The following PZP variants were observed in gnomAD, a reference collection of about 807,000 sequenced individuals.
PZP encodes PZP alpha-2-macroglobulin like.
A neutral mutation model predicts 179.8 loss-of-function variants in PZP; 150 were observed. That is an observed-to-expected ratio of 0.83 (90% CI 0.73 to 0.96). The LOEUF (loss-of-function observed/expected upper bound fraction) is 0.96. PZP is among the 40% of genes least tolerant of loss of function. PZP has a pLI of 0.00. For synonymous variants in PZP, 624 were observed against 652.3 expected (o/e 0.96, Z 0.66); for missense variants, 1,689 against 1,764.0 (o/e 0.96, Z 0.76).
At chr12:9,197,837 TATATA>T (rs1208816343) in intron 7 of PZP, among the ~76,000 whole-genome samples, 1 of 71,036 alleles carries the variant, frequency 1.4e-5, no homozygotes, top group Non-Finnish European at 2.7e-5. Context: ...TATTATACAA[TATATA>T]ATATATAATA....
At position 9,190,422 on chromosome 12, in the gene PZP, C is replaced by T. The variant is rs113148235; in HGVS notation, c.1546+1771G>A. ...CAGAAAACCAAATATTCCATGTGCT[C>T]AGTTATAAGTGGGAGCTAAATGATG... On this transcript the variant is annotated intron_variant, in intron 13 of 35. Transcript: ENST00000261336. Among the ~76,000 whole-genome samples, 1,044 of 152,096 alleles carry T rather than the reference C, an allele frequency of 6.9e-3. 14 individuals are homozygous for T. The highest frequency in any genetic ancestry group is 0.024 in the African/African-American group (997 of 41,466).
chr12:9,152,267 C>T lies in PZP; in HGVS notation c.4165G>A (p.Val1389Ile). The stretch of plus-strand genomic sequence containing the variant: ...GGAATAAAACCAGATACCATCTTTA[C>T]ATCAACAATCACCATATTGGAAGCA... Reference protein sequence around the residue: ...RPASNMVIVDVKMVSGFIPLK... With the variant: ...RPASNMVIVDIKMVSGFIPLK... Residue 1389 changes from valine (V) to isoleucine (I), a missense_variant, in exon 32 of 36, where the codon GTA (valine) becomes ATA (isoleucine). By Grantham distance (29) the Val-to-Ile change is conservative. Transcript: ENST00000261336. 6.2e-7 allele frequency: 1 copy of T among 1,613,204 alleles called. No homozygotes were observed. Among genetic ancestry groups the T allele is most frequent in the Non-Finnish European group, 8.5e-7 (1 of 1,179,238 alleles).
intron 28 of PZP, chr12:9,156,010 T>A (rs1940728091): frequency 5.8e-6 from 1 of 172,480 alleles, no homozygotes; most frequent in Admixed American, 6.4e-5. Flanking sequence ...TTTTATTGCT[T>A]CTTGACCTTT....
chr12:9,183,720 A>T (rs750633615), intron 13 of PZP, among the ~76,000 whole-genome samples: 15 of 152,338 alleles, frequency 9.8e-5, no homozygotes, highest in African/African-American at 3.6e-4. Context: ...ATTATATTAA[A>T]GCCTGAGATT....
At chr12:9,179,310 A>G (rs1269878229) in intron 15 of PZP, among the ~76,000 whole-genome samples, 4 of 152,172 alleles carry the variant, frequency 2.6e-5, no homozygotes, top group Non-Finnish European at 5.9e-5. Context: ...ATCCTTTTTT[A>G]TTGCCTCTCT....
At chr12:9,166,629 T>C (rs192491071) in intron 17 of PZP, among the ~76,000 whole-genome samples, 157 of 152,364 alleles carry the variant, frequency 1.0e-3, no homozygotes, top group African/African-American at 3.1e-3. Context: ...AATTTAATGA[T>C]TTACATTAAA....
rs370350773 is a variant in PZP at position 9,203,806 on chromosome 12, C to G, written c.229G>C (p.Val77Leu). The G allele has an allele frequency of 3.1e-6, 5 of 1,614,132 alleles. No individual in the cohort carries two copies. The highest frequency in any genetic ancestry group is 2.2e-5 in the East Asian group (1 of 44,858). The change falls in exon 2 of 36, where the codon GTG becomes CTG. Residue 77 changes from valine to leucine, a missense_variant. Val to Leu is a conservative substitution (Grantham distance 32). This residue lies in a region of PZP where 742 missense variants were observed against 730.5 expected (regional missense o/e 1.02). Coordinates refer to ENST00000261336, the MANE Select transcript of PZP (RefSeq NM_002864.3). ...CAGTGGAATAAGTCCTTCTCCGCCA[C>G]CAGGTCAGTGAAGAGGCTCCTGTTT... is the stretch of plus-strand genomic sequence containing the variant. The part of the protein sequence containing the change: ...RENRSLFTDL[V>L]AEKDLFHCVS...
At chr12:9,180,052 A>G (rs988279368) in intron 15 of PZP, among the ~76,000 whole-genome samples, 20 of 152,376 alleles carry the variant, frequency 1.3e-4, no homozygotes, top group African/African-American at 4.8e-4. Context: ...TATATGAGAC[A>G]GCTTGAGAAA....
chr12:9,138,732 A>G, the PZP span, among the ~76,000 whole-genome samples: 1 of 151,988 alleles, frequency 6.6e-6, no homozygotes, highest in African/African-American at 2.4e-5. Flanking sequence ...TGTTTTGTGT[A>G]TTTGGGAATT....
intron 7 of PZP, among the ~76,000 whole-genome samples, chr12:9,198,283 T>G (rs1300536009): frequency 6.6e-6 from 1 of 152,006 alleles, no homozygotes; most frequent in Non-Finnish European, 1.5e-5. Flanking sequence ...GCCCAGGAGT[T>G]TGAGGCTACA....
At chr12:9,186,129 C>T (rs942989772) in intron 13 of PZP, among the ~76,000 whole-genome samples, 5 of 151,978 alleles carry the variant, frequency 3.3e-5, no homozygotes, top group Non-Finnish European at 7.4e-5. Flanking sequence ...AAAATAAATT[C>T]CAACCAAGAA....
chr12:9,169,791 T>C, intron 15 of PZP, 200 bp from the exon 16 acceptor site: 1 of 450,726 alleles, frequency 2.2e-6, no homozygotes, highest in Non-Finnish European at 3.7e-6. Flanking sequence ...CTTGGGAAAA[T>C]GCTTCCAAAG....
intron 10 of PZP, 44 bp downstream of exon 10, chr12:9,196,286 G>A (rs767886578): frequency 2.0e-5 from 28 of 1,376,368 alleles, no homozygotes; most frequent in Non-Finnish European, 2.9e-5. Context: ...GTGCTTAGGT[G>A]CAACTGGATA....
chr12:9,151,688 A>G lies in PZP; in HGVS notation c.4213-16T>C, dbSNP rs781650443. ...ATCTTTCAAGCTGGAGAGAATTAGA[A>G]AACTTCAGTTAAAGTTAGAGAACAG... On this transcript the variant is annotated splice_polypyrimidine_tract_variant and intron_variant, in intron 32 of 35. Coordinates refer to ENST00000261336, the MANE Select transcript of PZP (RefSeq NM_002864.3). The G allele has an allele frequency of 1.9e-6, 3 of 1,608,962 alleles. No individual in the cohort carries two copies. Among genetic ancestry groups the G allele is most frequent in the Admixed American group, 1.7e-5 (1 of 59,874 alleles).
chr12:9,202,693 CA>C lies in PZP; in HGVS notation c.268-10del. The C allele has an allele frequency of 6.2e-7, 1 of 1,612,024 alleles. No homozygotes were observed. Among genetic ancestry groups the C allele is most frequent in the Non-Finnish European group, 8.5e-7 (1 of 1,179,198 alleles). On this transcript the variant is annotated splice_polypyrimidine_tract_variant and intron_variant, in intron 2 of 35. Coordinates refer to ENST00000261336, the MANE Select transcript of PZP (RefSeq NM_002864.3). ...GCTGAGATCCTTGGGAGCTAAAAAG[CA>C]AAGGATTTTTTACTACTGAGGAACT...
At chr12:9,157,044 C>G in intron 28 of PZP, 131 bp downstream of exon 28, 1 of 750,968 alleles carries the variant, frequency 1.3e-6, no homozygotes, top group Non-Finnish European at 2.0e-6. Flanking sequence ...GTTATTAGGT[C>G]CCCCATGCAT....
chr12:9,163,162 G>A lies in PZP; in HGVS notation c.2736+506C>T, dbSNP rs760963084. Among the ~76,000 whole-genome samples the A allele has an allele frequency of 1.0e-3, 154 of 152,078 alleles. 5 individuals are homozygous for A. In the South Asian group the frequency reaches 0.019, roughly 19 times the overall value. ...GGTATGAGAGATATGTGAATCTTAG[G>A]AGAGAGGTGGAGATCAAGAAATTGC... On this transcript the variant is annotated intron_variant, in intron 21 of 35. Transcript: ENST00000261336.
At chr12:9,185,965 A>G (rs971775019) in intron 13 of PZP, among the ~76,000 whole-genome samples, 1 of 151,460 alleles carries the variant, frequency 6.6e-6, no homozygotes, top group Non-Finnish European at 1.5e-5. Flanking sequence ...GCACCATCAC[A>G]CCTGGCTAAT....
the PZP span, among the ~76,000 whole-genome samples, chr12:9,143,362 G>A: frequency 1.3e-5 from 2 of 152,232 alleles, no homozygotes; most frequent in African/African-American, 4.8e-5. Flanking sequence ...AGTAACAGGT[G>A]GAGAAGGAGG....
Sources: allele counts gnomAD v4.1 joint callset (sites outside exome capture counted in the v4.1 genomes callset), GRCh38; gene constraint gnomAD v4.1.1; regional missense constraint gnomAD v4.1.1; transcripts MANE v1.5; gene names NCBI Gene and HGNC (gene_info 2026-07-23, HGNC 2026-07-21).